The following GREB1L variants were observed in gnomAD, a reference collection of about 807,000 sequenced individuals.
GREB1L encodes GREB1 like retinoic acid receptor coactivator.
Under a neutral mutation model 200.8 loss-of-function variants are expected in GREB1L, and 17 were observed. The ratio of observed to expected loss-of-function variants is 0.08; its 90% confidence interval spans 0.06 to 0.13. GREB1L has a LOEUF of 0.13. GREB1L is among the 10% of genes least tolerant of loss of function. GREB1L has a pLI of 1.00. For missense variants in GREB1L, 1,657 were observed against 2,367.7 expected (o/e 0.70, Z 6.23); for synonymous variants, 789 against 893.0 (o/e 0.88, Z 2.08).
intron 1 of GREB1L, among the ~76,000 whole-genome samples, chr18:21,275,813 A>G (rs1461456474): frequency 6.6e-6 from 1 of 152,190 alleles, no homozygotes; most frequent in Non-Finnish European, 1.5e-5. Context: ...AGTTTTATTG[A>G]AACATGGCCA....
intron 7 of GREB1L, among the ~76,000 whole-genome samples, chr18:21,418,768 A>G (rs539424999): frequency 6.6e-6 from 1 of 152,066 alleles, no homozygotes; most frequent in East Asian, 1.9e-4. Flanking sequence ...CAAGTCATCC[A>G]CCTGCCTCAG....
intron 1 of GREB1L, among the ~76,000 whole-genome samples, chr18:21,249,885 TA>T (rs2037673351): frequency 6.8e-6 from 1 of 147,454 alleles, no homozygotes; most frequent in Non-Finnish European, 1.5e-5. Context: ...AAGTGACAAA[TA>T]TCTCTGTTCT....
intron 1 of GREB1L, among the ~76,000 whole-genome samples, chr18:21,359,105 C>T (rs201969014): frequency 2.0e-5 from 3 of 152,260 alleles, no homozygotes; most frequent in South Asian, 2.1e-4. Context: ...CATGGTTACT[C>T]GGGCAGATTT....
chr18:21,520,716 C>A lies in GREB1L; in HGVS notation c.5501C>A (p.Pro1834His), dbSNP rs1458365964. 6.4e-7 allele frequency: 1 copy of A among 1,551,556 alleles called. No individual in the cohort carries two copies. The highest frequency in any genetic ancestry group is 2.0e-5 in the Admixed American group (1 of 50,992). The part of the protein sequence containing the change: ...EVAICYISSR[P>H]HSSNVNCEGV... Reference sequence around the variant, plus strand: ...GCCATATGCTATATCAGCTCCAGACCCCACTCCAGCAATGTCAACTGTGAA... The same window carrying A: ...GCCATATGCTATATCAGCTCCAGACACCACTCCAGCAATGTCAACTGTGAA... The change falls in exon 32 of 33, where the codon CCC (proline) becomes CAC (histidine). Residue 1834 changes from proline (P) to histidine (H), a missense_variant. By Grantham distance (77) the Pro-to-His change is moderately conservative. Transcript: ENST00000424526.
At chr18:21,279,188 A>T (rs2038225421) in intron 1 of GREB1L, among the ~76,000 whole-genome samples, 1 of 152,106 alleles carries the variant, frequency 6.6e-6, no homozygotes, top group Non-Finnish European at 1.5e-5. Context: ...GGCATCTATA[A>T]TCCCACCAAC....
At chr18:21,412,743 A>C (rs1274125051) in intron 7 of GREB1L, among the ~76,000 whole-genome samples, 1 of 152,070 alleles carries the variant, frequency 6.6e-6, no homozygotes, top group African/African-American at 2.4e-5. Context: ...TGGTGGTTTC[A>C]TAGATATTTG....
Position 21,433,699 on chromosome 18 carries a change from G to A in GREB1L, c.833-5822G>A, listed in dbSNP as rs141923735. Among the ~76,000 whole-genome samples, 194 of 152,328 alleles carry A rather than the reference G, an allele frequency of 1.3e-3. 3 individuals carry two copies. The highest frequency in any genetic ancestry group is 4.5e-3 in the African/African-American group (186 of 41,578). ...CTTTTGAGTTCTGTTGAGAAACAAT[G>A]ATTAGATGAATCAGGAATCATGTTG... is the stretch of plus-strand genomic sequence containing the variant. On this transcript the variant is annotated intron_variant, in intron 7 of 32. Coordinates refer to ENST00000424526, the MANE Select transcript of GREB1L (RefSeq NM_001142966.3).
At chr18:21,429,291 CCCTCTCCTCT>C (rs911355646) in intron 7 of GREB1L, among the ~76,000 whole-genome samples, 4 of 119,020 alleles carry the variant, frequency 3.4e-5, no homozygotes, top group African/African-American at 1.3e-4. Context: ...TCCTCCCCTC[CCCTCTCCTCT>C]CCTCTCCTCT....
At position 21,281,824 on chromosome 18, in the gene GREB1L, T is replaced by C. The variant is rs1157386385; in HGVS notation, c.-120+39431T>C. Among the ~76,000 whole-genome samples, 9 of 152,232 alleles carry C rather than the reference T, an allele frequency of 5.9e-5. No individual in the cohort carries two copies. In the East Asian group the frequency reaches 1.7e-3, roughly 29 times the overall value. On this transcript the variant is annotated intron_variant, in intron 1 of 32. Transcript: ENST00000424526. ...GTAATGGTTGCATAACTCTACAAAT[T>C]TGTGGAAAACTTTTGAAATACATAC...
At chr18:21,487,846 C>CA (rs749678621) in intron 18 of GREB1L, among the ~76,000 whole-genome samples, 2,433 of 125,224 alleles carry the variant, frequency 0.019, 15 homozygotes, top group African/African-American at 0.025. Context: ...ACTAAAAATA[C>CA]AAAAAAAAAA....
At chr18:21,494,093 G>T (rs1475408510) in intron 19 of GREB1L, among the ~76,000 whole-genome samples, 1 of 152,018 alleles carries the variant, frequency 6.6e-6, no homozygotes, top group East Asian at 1.9e-4. Context: ...TGCTTTAAAT[G>T]AGACAATGTT....
chr18:21,387,857 C>T (rs1210967038), intron 4 of GREB1L, among the ~76,000 whole-genome samples: 1 of 152,126 alleles, frequency 6.6e-6, no homozygotes, highest in Non-Finnish European at 1.5e-5. Context: ...TTTTTACAGA[C>T]ATACACAGCT....
At chr18:21,403,512 T>A (rs1305486848) in intron 6 of GREB1L, among the ~76,000 whole-genome samples, 1 of 152,182 alleles carries the variant, frequency 6.6e-6, no homozygotes, top group East Asian at 1.9e-4. Context: ...CCAGGTAGGA[T>A]GTTAACTGGT....
chr18:21,409,416 T>C (rs1040550812), intron 7 of GREB1L, among the ~76,000 whole-genome samples: 4 of 152,172 alleles, frequency 2.6e-5, no homozygotes, highest in African/African-American at 7.2e-5. Flanking sequence ...AGCATTCTTA[T>C]TAAGGGGATG....
At position 21,522,644 on chromosome 18, in the gene GREB1L, C is replaced by CT; in HGVS notation, c.5609-8dup. On this transcript the variant is annotated splice_polypyrimidine_tract_variant and intron_variant, in intron 32 of 32. Coordinates refer to ENST00000424526, the MANE Select transcript of GREB1L (RefSeq NM_001142966.3). The stretch of plus-strand genomic sequence containing the variant: ...CCCTGAGCCTAGGACATATTTCTGT[C>CT]TTTTTTCCTGAAGGTGCTACACTGT... 2 of 1,540,186 alleles carry CT rather than the reference C, an allele frequency of 1.3e-6. No homozygotes were observed. Among genetic ancestry groups the CT allele is most frequent in the Non-Finnish European group, 1.8e-6 (2 of 1,140,806 alleles).
At chr18:21,477,121 T>G in intron 16 of GREB1L, 43 bp from the exon 17 acceptor site, 1 of 1,304,498 alleles carries the variant, frequency 7.7e-7, no homozygotes, top group Middle Eastern at 1.8e-4. Context: ...CTATATCTAC[T>G]TGGTTAAATG....
chr18:21,328,728 CCAGA>C (rs1567938827), intron 1 of GREB1L, among the ~76,000 whole-genome samples: 1 of 151,820 alleles, frequency 6.6e-6, no homozygotes, highest in South Asian at 2.1e-4. Flanking sequence ...AGATGAACTC[CCAGA>C]CATAGAACTG....
intron 4 of GREB1L, among the ~76,000 whole-genome samples, chr18:21,388,723 T>G (rs1290649259): frequency 6.6e-6 from 1 of 151,898 alleles, no homozygotes; most frequent in Admixed American, 6.6e-5. Flanking sequence ...TTTTTGTATT[T>G]TTAGTAGAGA....
At position 21,403,887 on chromosome 18, in the gene GREB1L, A is replaced by G; in HGVS notation, c.725A>G (p.Gln242Arg). 6.4e-7 allele frequency: 1 copy of G among 1,551,274 alleles called. No individual in the cohort carries two copies. Among genetic ancestry groups the G allele is most frequent in the Non-Finnish European group, 8.7e-7 (1 of 1,146,538 alleles). Residue 242 changes from glutamine (Q) to arginine (R), a missense_variant, in exon 7 of 33, where the codon CAA (glutamine) becomes CGA (arginine). By Grantham distance (43) the Gln-to-Arg change is conservative (BLOSUM62 1). Around this residue, in one of 9 missense-constraint regions of GREB1L, gnomAD observed 289 missense variants for 345.1 expected, o/e 0.84. Transcript: ENST00000424526. ...TCTTTTCCAGAATGTAGAAGCCGAC[A>G]ATCCTCTGCTTCTTGCCACTCTATT... The part of the protein sequence containing the change: ...LICWKECRSR[Q>R]SSASCHSIKP...
Sources: gnomAD v4.1 joint callset for allele counts (sites outside exome capture counted in the v4.1 genomes callset) on GRCh38, gnomAD v4.1.1 for gene constraint, gnomAD v4.1.1 regional missense constraint, MANE v1.5 for transcripts, NCBI Gene and HGNC (gene_info 2026-07-23, HGNC 2026-07-21) for gene names.